The following ANXA8 variants were observed in gnomAD, a reference collection of about 807,000 sequenced individuals.
ANXA8 encodes the protein annexin A8.
ANXA8 carries 9 observed loss-of-function variants against 26.8 expected under a neutral mutation model. The ratio of observed to expected loss-of-function variants is 0.34; its 90% CI spans 0.20 to 0.59. ANXA8 has a LOEUF of 0.59. ANXA8 is among the 20% of genes least tolerant of loss of function. The probability of loss-of-function intolerance (pLI) is 0.84; values close to 1 mark genes in which losing one functional copy is unlikely to be tolerated. For synonymous variants in ANXA8, 39 were observed against 94.8 expected (o/e 0.41, Z 3.42); for missense variants, 83 against 238.5 (o/e 0.35, Z 4.29).
At chr10:47,628,245 T>G in the ANXA8 span, among the ~76,000 whole-genome samples, 2 of 152,206 alleles carry the variant, frequency 1.3e-5, no homozygotes, top group East Asian at 3.8e-4. Context: ...TTAGGCTTTC[T>G]GAATGTTCTC....
At chr10:47,562,227 CAT>C in the ANXA8 span, among the ~76,000 whole-genome samples, 4 of 150,916 alleles carry the variant, frequency 2.7e-5, no homozygotes, top group Non-Finnish European at 4.4e-5. Flanking sequence ...TTTTCAGAAA[CAT>C]ATAAAAAAGC....
At chr10:47,657,357 A>G in the ANXA8 span, among the ~76,000 whole-genome samples, 2 of 151,736 alleles carry the variant, frequency 1.3e-5, no homozygotes, top group African/African-American at 4.9e-5. Flanking sequence ...ATGTTTAGAG[A>G]TCTTGGAGAT....
the ANXA8 span, among the ~76,000 whole-genome samples, chr10:47,894,617 TACACACACCACAC>T: frequency 3.1e-4 from 20 of 64,522 alleles, no homozygotes; most frequent in African/African-American, 1.0e-3. Flanking sequence ...ACACACACAC[TACACACACCACAC>T]ACTACACACA....
the ANXA8 span, among the ~76,000 whole-genome samples, chr10:47,655,786 C>T: frequency 1.1e-4 from 16 of 151,880 alleles, no homozygotes; most frequent in African/African-American, 2.4e-4. Context: ...TTTGGGAGGC[C>T]GAGGTGGGCA....
chr10:47,706,804 G>A, the ANXA8 span: 1 of 950,026 alleles, frequency 1.1e-6, no homozygotes, highest in African/African-American at 1.5e-5. Context: ...TCTAGCTGAA[G>A]AAGCAAACTG....
Position 47,475,128 on chromosome 10 carries a change from C to A in ANXA8, c.493-124G>T, listed in dbSNP as rs1839477482. 4 of 1,411,928 alleles carry A rather than the reference C, an allele frequency of 2.8e-6. No homozygotes were observed. In the Admixed American group the frequency reaches 7.4e-5, roughly 26 times the overall value. 87.5% of individuals were successfully genotyped at this position (1,411,928 alleles called of 1,614,324 possible). A position where few individuals can be genotyped will look rare whatever the true frequency, so the allele number is the denominator to read the frequency against. ...TGCTCTTTGGCTGTGGAAACTTCGA[C>A]AAGCCAGTTATTCTCTTCAGCCCTT... On this transcript the variant is annotated intron_variant, in intron 6 of 11. Transcript: ENST00000585281.
At chr10:47,975,372 A>G in the ANXA8 span, among the ~76,000 whole-genome samples, 2 of 148,424 alleles carry the variant, frequency 1.3e-5, 1 homozygote, top group South Asian at 4.3e-4. Flanking sequence ...GGCAACCCTA[A>G]CCTCTGAGAG....
the ANXA8 span, among the ~76,000 whole-genome samples, chr10:47,894,707 C>A: frequency 2.6e-5 from 4 of 152,210 alleles, no homozygotes; most frequent in East Asian, 1.9e-4. Context: ...CATACTAACA[C>A]CCCATACAGT....
the ANXA8 span, chr10:47,762,839 C>T: frequency 3.1e-4 from 440 of 1,400,658 alleles, 14 homozygotes; most frequent in African/African-American, 5.4e-3. Flanking sequence ...GCAGTCCCGC[C>T]CCAGCCAGTC....
chr10:47,646,891 G>A, the ANXA8 span, among the ~76,000 whole-genome samples: 6 of 152,094 alleles, frequency 3.9e-5, no homozygotes, highest in Admixed American at 3.9e-4. Flanking sequence ...TGCCATTTAT[G>A]AGGGCCTATG....
At chr10:47,746,192 T>TA in the ANXA8 span, among the ~76,000 whole-genome samples, 19 of 93,156 alleles carry the variant, frequency 2.0e-4, no homozygotes, top group African/African-American at 6.7e-4. Flanking sequence ...CCGTTTCTAC[T>TA]AAAAAATACA....
chr10:47,492,931 G>A, the ANXA8 span, among the ~76,000 whole-genome samples: 5,153 of 148,692 alleles, frequency 0.035, 5 homozygotes, highest in African/African-American at 0.065. Context: ...TGGATGTGTC[G>A]GGGCCTGATT....
chr10:47,733,149 CTTTCTTTCTTTCTTT>C, the ANXA8 span, among the ~76,000 whole-genome samples: 1 of 68,242 alleles, frequency 1.5e-5, no homozygotes, highest in Non-Finnish European at 2.9e-5. Flanking sequence ...CCTAATCTTT[CTTTCTTTCTTTCTTT>C]CTTTCTTTCT....
chr10:47,941,470 C>A, the ANXA8 span, among the ~76,000 whole-genome samples: 2 of 146,660 alleles, frequency 1.4e-5, no homozygotes, highest in Non-Finnish European at 3.0e-5. Flanking sequence ...GCCTGGCCAA[C>A]ATGGTGAAAC....
the ANXA8 span, chr10:47,564,958 T>C: frequency 1.7e-5 from 22 of 1,324,298 alleles, 1 homozygote; most frequent in East Asian, 4.8e-4. Flanking sequence ...AGTTCGTCGA[T>C]AAAGCCAAGC....
the ANXA8 span, among the ~76,000 whole-genome samples, chr10:47,592,947 C>T: frequency 7.3e-6 from 1 of 137,216 alleles, no homozygotes; most frequent in South Asian, 2.3e-4. Flanking sequence ...TTGGGGAAAG[C>T]CTAGTTGGTT....
At chr10:47,667,925 A>T in the ANXA8 span, among the ~76,000 whole-genome samples, 1 of 151,868 alleles carries the variant, frequency 6.6e-6, no homozygotes, top group Non-Finnish European at 1.5e-5. Flanking sequence ...TTTAGTAGAG[A>T]CAGGGTTTCA....
At chr10:47,651,687 A>T in the ANXA8 span, among the ~76,000 whole-genome samples, 1 of 150,626 alleles carries the variant, frequency 6.6e-6, no homozygotes, top group South Asian at 2.1e-4. Flanking sequence ...CTGAGGTTGG[A>T]AGTTTAAGAC....
the ANXA8 span, chr10:47,970,068 G>A: frequency 6.6e-6 from 1 of 151,528 alleles, no homozygotes; most frequent in East Asian, 1.9e-4. Flanking sequence ...TTAATGGGAA[G>A]CTGAAAGGAC....
Sources: gnomAD v4.1 joint callset for allele counts (sites outside exome capture counted in the v4.1 genomes callset) on GRCh38, gnomAD v4.1.1 for gene constraint, MANE v1.5 for transcripts, NCBI Gene and HGNC (gene_info 2026-07-23, HGNC 2026-07-21) for gene names.